RBP4: variants seen among roughly 807,000 people sequenced by gnomAD.
RBP4 encodes the protein retinol-binding protein 4.
RBP4 carries 9 observed loss-of-function variants against 26.2 expected under a neutral mutation model. The ratio of observed to expected loss-of-function variants is 0.34; its 90% CI spans 0.21 to 0.60. The LOEUF (loss-of-function observed/expected upper bound fraction) is 0.60, where lower values mean the gene tolerates loss of function less well. Among genes scored for constraint, RBP4 ranks in the 20% least tolerant of loss-of-function variants. The pLI is 0.80. For synonymous variants in RBP4, 114 were observed against 111.0 expected (o/e 1.03, Z -0.17); for missense variants, 244 against 271.3 (o/e 0.90, Z 0.71).
chr10:93,598,664 G>A (rs1564789953), intron 4 of RBP4, among the ~76,000 whole-genome samples: 1 of 152,222 alleles, frequency 6.6e-6, no homozygotes, highest in Non-Finnish European at 1.5e-5. Context: ...TTGATAGGGG[G>A]AGGAGGCAAG....
chr10:93,594,777 A>C (rs990071763), intron 4 of RBP4, among the ~76,000 whole-genome samples: 1 of 152,236 alleles, frequency 6.6e-6, no homozygotes, highest in African/African-American at 2.4e-5. Context: ...AATGTAAGCC[A>C]TGAAGAATAA....
intron 5 of RBP4, among the ~76,000 whole-genome samples, chr10:93,593,304 A>C (rs1030502232): frequency 4.6e-5 from 7 of 152,186 alleles, no homozygotes; most frequent in Non-Finnish European, 8.8e-5. Flanking sequence ...AGAGAATCTC[A>C]AAACCCCCAA....
intron 4 of RBP4, among the ~76,000 whole-genome samples, chr10:93,596,332 G>C (rs1589685102): frequency 6.6e-6 from 1 of 152,026 alleles, no homozygotes; most frequent in African/African-American, 2.4e-5. Context: ...GCCTAAGTTG[G>C]TTTGGTTAAT....
chr10:93,601,614 C>T (rs2058340120), upstream of RBP4: 1 of 758,234 alleles, frequency 1.3e-6, no homozygotes, highest in Non-Finnish European at 2.4e-6. Context: ...AGCGGACCCG[C>T]GAGGCTCCCT....
intron 4 of RBP4, among the ~76,000 whole-genome samples, chr10:93,597,387 T>C (rs926133821): frequency 2.0e-5 from 3 of 152,250 alleles, no homozygotes; most frequent in Non-Finnish European, 4.4e-5. Context: ...TAATATTTAT[T>C]GAGCACTTAC....
upstream of RBP4, chr10:93,601,291 T>C (rs2058337942): frequency 3.3e-6 from 4 of 1,208,632 alleles, no homozygotes; most frequent in South Asian, 1.2e-4. Context: ...GGGTCGCGCT[T>C]TCGTAACCGC....
intron 5 of RBP4, among the ~76,000 whole-genome samples, chr10:93,593,609 A>G (rs1036953728): frequency 2.6e-5 from 4 of 152,202 alleles, no homozygotes; most frequent in African/African-American, 9.7e-5. Flanking sequence ...AGTGAACTGG[A>G]CAAAGGCCTT....
intron 5 of RBP4, among the ~76,000 whole-genome samples, chr10:93,593,556 A>G (rs2058280566): frequency 6.6e-6 from 1 of 152,088 alleles, no homozygotes; most frequent in Non-Finnish European, 1.5e-5. Context: ...GGCCCGAGGA[A>G]GCAGAATAAA....
At chr10:93,594,955 CAT>C (rs2058293681) in intron 4 of RBP4, among the ~76,000 whole-genome samples, 1 of 151,934 alleles carries the variant, frequency 6.6e-6, no homozygotes, top group African/African-American at 2.4e-5. Context: ...ACCTGGGCAA[CAT>C]AGTGAGACCT....
chr10:93,600,838 G>A lies in RBP4; in HGVS notation c.112-35C>T, dbSNP rs544005959. 45 of 1,601,140 alleles carry A rather than the reference G, an allele frequency of 2.8e-5. No homozygotes were observed. In the East Asian group the frequency reaches 3.8e-4, roughly 14 times the overall value. On this transcript the variant is annotated intron_variant, in intron 2 of 5. Transcript: ENST00000371464. ...GGATGACAGCAGGGGTTTGGCGTCC[G>A]GGGGCGCACGGCGGGCCGCGGGGAG...
chr10:93,591,973 G>C lies in RBP4; in HGVS notation c.*102C>G. 1.0e-6 allele frequency: 1 copy of C among 972,510 alleles called. No homozygotes were observed. Among genetic ancestry groups the C allele is most frequent in the Non-Finnish European group, 1.7e-6 (1 of 600,198 alleles). 60.2% of individuals were successfully genotyped at this position (972,510 alleles called of 1,614,324 possible). A position where few individuals can be genotyped will look rare whatever the true frequency, so the allele number is the denominator to read the frequency against. ...TAATGAAGGTTTTATGGGAACTGAG[G>C]GAAGATGGGGAGAGAAGGGCAAATT... On this transcript the variant is annotated 3_prime_UTR_variant, in exon 6 of 6. Transcript: ENST00000371464.
upstream of RBP4, chr10:93,601,541 C>T (rs965946139): frequency 1.5e-6 from 1 of 655,996 alleles, no homozygotes; most frequent in Non-Finnish European, 2.7e-6. Flanking sequence ...GCCTCCGGGG[C>T]CAGTGGCTCT....
At chr10:93,594,640 T>C (rs2058291039) in intron 4 of RBP4, among the ~76,000 whole-genome samples, 1 of 152,250 alleles carries the variant, frequency 6.6e-6, no homozygotes, top group East Asian at 1.9e-4. Context: ...GAGTAGGTTT[T>C]GCCTTGAGGA....
intron 4 of RBP4, among the ~76,000 whole-genome samples, chr10:93,595,750 G>A (rs1378478424): frequency 6.6e-6 from 1 of 152,224 alleles, no homozygotes; most frequent in Non-Finnish European, 1.5e-5. Flanking sequence ...TGCCAGCCTA[G>A]GATGGGGTTC....
intron 5 of RBP4, among the ~76,000 whole-genome samples, chr10:93,593,551 G>A (rs115334874): frequency 0.011 from 1,741 of 152,170 alleles, 27 homozygotes; most frequent in African/African-American, 0.039. Context: ...GAAATGGCCC[G>A]AGGAAGCAGA....
intron 5 of RBP4, among the ~76,000 whole-genome samples, chr10:93,593,083 G>A (rs1225754865): frequency 6.6e-6 from 1 of 152,170 alleles, no homozygotes; most frequent in East Asian, 1.9e-4. Context: ...CTCCAAAAGT[G>A]CTGGGATTTC....
intron 4 of RBP4, among the ~76,000 whole-genome samples, chr10:93,596,199 A>G (rs1407286139): frequency 6.9e-6 from 1 of 145,812 alleles, no homozygotes; most frequent in Non-Finnish European, 1.5e-5. Context: ...TCGGCAGCTT[A>G]ACTTTTTTTT....
Position 93,600,898 on chromosome 10 carries a change from C to T in RBP4, c.111+20G>A, listed in dbSNP as rs748422517. The T allele has an allele frequency of 4.3e-6, 7 of 1,611,610 alleles. No individual in the cohort carries two copies. Among genetic ancestry groups the T allele is most frequent in the Admixed American group, 3.3e-5 (2 of 59,944 alleles). On this transcript the variant is annotated intron_variant, in intron 2 of 5. Transcript: ENST00000371464. ...GGGGTGGGGACCTGGGCCGCCTGGG[C>T]CCCCTGGGCCGATACCTACGCGAGC...
chr10:93,600,467 G>C lies in RBP4; in HGVS notation c.281C>G (p.Thr94Ser). The change falls in exon 4 of 6, where the codon ACC (threonine) becomes AGC (serine). Residue 94 changes from threonine (T) to serine (S), a missense_variant. Transcript: ENST00000371464. ...GGCAGGGTCCTCGGTGTCTGTGAAGGTGCCCACCATGTCTGCGCACACGTC... is the reference window on the plus strand; with the variant it reads ...GGCAGGGTCCTCGGTGTCTGTGAAGCTGCCCACCATGTCTGCGCACACGTC... ...NWDVCADMVGTFTDTEDPAKF... is the reference protein window; with the variant it reads ...NWDVCADMVGSFTDTEDPAKF... 6.2e-7 allele frequency: 1 copy of C among 1,614,124 alleles called. No individual in the cohort carries two copies. The highest frequency in any genetic ancestry group is 8.5e-7 in the Non-Finnish European group (1 of 1,180,036).
Sources: allele counts gnomAD v4.1 joint callset (sites outside exome capture counted in the v4.1 genomes callset), GRCh38; gene constraint gnomAD v4.1.1; transcripts MANE v1.5; gene names NCBI Gene and HGNC (gene_info 2026-07-23, HGNC 2026-07-21).